The following MACF1 variants were observed in gnomAD, a reference collection of about 807,000 sequenced individuals.
The protein encoded by MACF1 is microtubule actin crosslinking factor 1.
In MACF1, 193 loss-of-function variants were observed where a neutral mutation model predicts 854.8. The observed-to-expected ratio is 0.23, with a 90% CI of 0.20 to 0.25. The LOEUF is 0.25. Among genes scored for constraint, MACF1 ranks in the 10% least tolerant of loss-of-function variants. MACF1 has a pLI of 1.00. For synonymous variants in MACF1, 3,185 were observed against 3,226.7 expected, an observed-to-expected ratio of 0.99 and a Z score of 0.44; for missense variants, 7,722 against 8,929.1, an observed-to-expected ratio of 0.86 and a Z score of 5.45.
chr1:39,473,551 G>T (rs1028463831), intron 97 of MACF1, among the ~76,000 whole-genome samples: 5 of 152,204 alleles, frequency 3.3e-5, no homozygotes, highest in African/African-American at 1.2e-4. Context: ...CGGTCACACA[G>T]CGAGAGAGTG....
chr1:39,468,769 T>C (rs373021942), intron 96 of MACF1, 37 bp downstream of exon 96: 9 of 1,540,468 alleles, frequency 5.8e-6, no homozygotes, highest in African/African-American at 1.4e-5. Context: ...ACGTGTTAGG[T>C]ATGCCCCCAG....
chr1:39,271,029 A>G (rs1214275622), intron 6 of MACF1, among the ~76,000 whole-genome samples: 1 of 152,216 alleles, frequency 6.6e-6, no homozygotes, highest in African/African-American at 2.4e-5. Flanking sequence ...TGGGCCTCAT[A>G]TAAACATGGA....
chr1:39,443,674 G>A (rs555733681), intron 79 of MACF1, 100 bp downstream of exon 79: 5 of 1,300,980 alleles, frequency 3.8e-6, no homozygotes, highest in Admixed American at 2.4e-5. Context: ...AATCTACAAA[G>A]TAGTGCATTT....
chr1:39,302,919 T>G lies in MACF1; in HGVS notation c.2635-5T>G. 2 of 1,613,290 alleles carry G rather than the reference T, an allele frequency of 1.2e-6. No homozygotes were observed. The highest frequency in any genetic ancestry group is 1.7e-6 in the Non-Finnish European group (2 of 1,179,322). On this transcript the variant is annotated splice_region_variant and splice_polypyrimidine_tract_variant and intron_variant, in intron 22 of 100. Transcript: ENST00000564288. The stretch of plus-strand genomic sequence containing the variant: ...TAGCAATCACTGGTAAATTTATCTC[T>G]TCAGATTACTATTTGCAAAAATGAT...
chr1:39,367,258 C>A lies in MACF1; in HGVS notation c.12772-890C>A, dbSNP rs571834201. The stretch of plus-strand genomic sequence containing the variant: ...CACCGTGCCTGGCCATACAAATATA[C>A]TTTCATGTGACCTACAAATACAGTT... On this transcript the variant is annotated intron_variant, in intron 49 of 100. Coordinates refer to ENST00000564288, the MANE Select transcript of MACF1 (RefSeq NM_001394062.1). 3.9e-5 allele frequency among the ~76,000 whole-genome samples: 6 copies of A among 152,064 alleles called. No individual in the cohort carries two copies. In the East Asian group the frequency reaches 9.7e-4, roughly 24 times the overall value.
At chr1:39,391,867 G>A (rs1642047722) in intron 58 of MACF1, among the ~76,000 whole-genome samples, 1 of 152,194 alleles carries the variant, frequency 6.6e-6, no homozygotes, top group African/African-American at 2.4e-5. Flanking sequence ...TTCCACCTCA[G>A]ATACTCTGGA....
intron 40 of MACF1, among the ~76,000 whole-genome samples, chr1:39,343,017 C>T (rs1646969712): frequency 6.6e-6 from 1 of 152,152 alleles, no homozygotes; most frequent in Admixed American, 6.5e-5. Flanking sequence ...TTGGGGGCCA[C>T]AGTTTGTTGA....
chr1:39,451,855 G>GGTT (rs1644347212), intron 85 of MACF1, among the ~76,000 whole-genome samples: 2 of 151,982 alleles, frequency 1.3e-5, no homozygotes, highest in African/African-American at 4.8e-5. Context: ...CACATTTTCT[G>GGTT]GTTGTTTTTT....
At chr1:39,477,082 T>C (rs1644911771) in intron 97 of MACF1, among the ~76,000 whole-genome samples, 3 of 12,612 alleles carry the variant, frequency 2.4e-4, no homozygotes, top group South Asian at 3.4e-3. Flanking sequence ...TATATATATA[T>C]ATATATATAC....
chr1:39,425,144 A>G (rs1407657343), intron 61 of MACF1, among the ~76,000 whole-genome samples: 1 of 151,850 alleles, frequency 6.6e-6, no homozygotes, highest in African/African-American at 2.4e-5. Flanking sequence ...CCTCGACTCC[A>G]TTTTTACTTT....
intron 90 of MACF1, 139 bp downstream of exon 90, chr1:39,458,629 A>G (rs1051720894): frequency 8.9e-7 from 1 of 1,121,768 alleles, no homozygotes; most frequent in African/African-American, 1.6e-5. Flanking sequence ...TCATTTTTGA[A>G]ACTCACTTTT....
intron 2 of MACF1, among the ~76,000 whole-genome samples, chr1:39,190,915 C>T (rs1307839489): frequency 6.6e-6 from 1 of 152,112 alleles, no homozygotes; most frequent in African/African-American, 2.4e-5. Context: ...ATCGCTTGAA[C>T]CTGGGAGGTG....
intron 52 of MACF1, among the ~76,000 whole-genome samples, chr1:39,374,902 T>G (rs949323753): frequency 1.3e-5 from 2 of 151,844 alleles, no homozygotes; most frequent in African/African-American, 2.4e-5. Flanking sequence ...TGAGGTCAGG[T>G]GATCGAGACC....
chr1:39,254,398 C>G (rs770224115), intron 5 of MACF1, 23 bp downstream of exon 5: 8 of 1,608,540 alleles, frequency 5.0e-6, no homozygotes, highest in Non-Finnish European at 5.1e-6. Context: ...CATGCCTTCC[C>G]CATTCTTCCA....
chr1:39,462,202 C>T (rs1644567797), intron 93 of MACF1, among the ~76,000 whole-genome samples, 165 bp downstream of exon 93: 1 of 151,974 alleles, frequency 6.6e-6, no homozygotes, highest in South Asian at 2.1e-4. Flanking sequence ...TCAAAGAGTC[C>T]CAGAGGATCT....
chr1:39,387,094 C>T (rs1641837726), intron 57 of MACF1, 93 bp from the exon 58 acceptor site: 4 of 1,402,944 alleles, frequency 2.9e-6, no homozygotes, highest in Admixed American at 2.2e-5. Context: ...ACATTAGTTC[C>T]CTTCCCCCAA....
chr1:39,253,949 G>C (rs1645070732), intron 4 of MACF1, among the ~76,000 whole-genome samples: 3 of 152,206 alleles, frequency 2.0e-5, no homozygotes, highest in Admixed American at 1.3e-4. Context: ...AGGAGTCATA[G>C]AGCCAAAGTC....
At chr1:39,410,989 A>G (rs557900799) in intron 58 of MACF1, 2 of 1,614,060 alleles carry the variant, frequency 1.2e-6, no homozygotes, top group Admixed American at 1.7e-5. Context: ...AGCTGTAGCA[A>G]CAAGTGGTAA....
At chr1:39,485,223 G>T in intron 100 of MACF1, 1 of 349,838 alleles carries the variant, frequency 2.9e-6, no homozygotes, top group South Asian at 4.5e-5. Context: ...CCTGCCCATG[G>T]ATTAGCCCGG....
Sources: allele counts gnomAD v4.1 joint callset (sites outside exome capture counted in the v4.1 genomes callset), GRCh38; gene constraint gnomAD v4.1.1; transcripts MANE v1.5; gene names NCBI Gene and HGNC (gene_info 2026-07-23, HGNC 2026-07-21).